Variants in SVOP observed in about 807,000 individuals in gnomAD.
SVOP encodes SV2 related protein.
SVOP carries 17 observed loss-of-function variants against 69.1 expected under a neutral mutation model. That is an observed-to-expected ratio of 0.25 (90% CI 0.17 to 0.37). The LOEUF is 0.37. Ranked by LOEUF, SVOP falls within the 10% of genes least tolerant of loss-of-function variation. The pLI is 1.00. For synonymous variants in SVOP, 238 were observed against 238.6 expected (o/e 1.00, Z 0.02); for missense variants, 435 against 597.5 (o/e 0.73, Z 2.84).
intron 11 of SVOP, among the ~76,000 whole-genome samples, chr12:108,928,653 G>A (rs1055005673): frequency 2.7e-5 from 4 of 150,076 alleles, no homozygotes; most frequent in Admixed American, 2.0e-4. Flanking sequence ...AGCAAGCTCC[G>A]CTTCTCAGGC....
At chr12:108,931,608 T>C (rs1593181118) in intron 11 of SVOP, among the ~76,000 whole-genome samples, 1 of 151,840 alleles carries the variant, frequency 6.6e-6, no homozygotes, top group East Asian at 1.9e-4. Context: ...CCGAGGTGGG[T>C]GGATCACGAG....
intron 6 of SVOP, among the ~76,000 whole-genome samples, chr12:108,954,328 G>A (rs1464973133): frequency 4.6e-5 from 7 of 152,050 alleles, no homozygotes; most frequent in Non-Finnish European, 8.8e-5. Context: ...GGTAATACAC[G>A]TAAAGCACAA....
chr12:108,982,833 TCACCATCATCATCATCACTATCATCAC>T (rs2040146979), intron 2 of SVOP, among the ~76,000 whole-genome samples: 4 of 62,004 alleles, frequency 6.5e-5, no homozygotes, highest in South Asian at 8.5e-4. Context: ...ATCATCACTG[TCACCATCATCATCATCACTATCATCAC>T]CACCATCATC....
chr12:108,972,063 C>T lies in SVOP; in HGVS notation c.453+342G>A, dbSNP rs368661093. 6.0e-5 allele frequency among the ~76,000 whole-genome samples: 9 copies of T among 150,484 alleles called. No individual in the cohort carries two copies. In the East Asian group the frequency reaches 1.2e-3, roughly 20 times the overall value. On this transcript the variant is annotated intron_variant, in intron 5 of 15. Coordinates refer to ENST00000610966, the MANE Select transcript of SVOP (RefSeq NM_018711.5). ...TCAAACAAAAAGAAAAACAAAAAACCCAAAATTTGAGAAATGGCTCTCTTT... is the reference window on the plus strand; with the variant it reads ...TCAAACAAAAAGAAAAACAAAAAACTCAAAATTTGAGAAATGGCTCTCTTT...
intron 8 of SVOP, among the ~76,000 whole-genome samples, chr12:108,939,680 G>C (rs1454897230): frequency 2.6e-5 from 4 of 152,194 alleles, no homozygotes; most frequent in Admixed American, 2.0e-4. Context: ...ATATAGCAGA[G>C]AGTGCAAATG....
chr12:108,963,653 A>AT (rs1421331361), intron 5 of SVOP, among the ~76,000 whole-genome samples: 1 of 152,002 alleles, frequency 6.6e-6, no homozygotes, highest in African/African-American at 2.4e-5. Flanking sequence ...TGGCCAGCTA[A>AT]TTTTTGTACT....
At chr12:108,997,232 C>G (rs1052289827) in intron 1 of SVOP, among the ~76,000 whole-genome samples, 1 of 152,208 alleles carries the variant, frequency 6.6e-6, no homozygotes, top group African/African-American at 2.4e-5. Context: ...CACTCCCACC[C>G]GAATATTGCG....
chr12:108,966,332 C>A (rs1237686775), intron 5 of SVOP, among the ~76,000 whole-genome samples: 1 of 152,212 alleles, frequency 6.6e-6, no homozygotes, highest in Non-Finnish European at 1.5e-5. Flanking sequence ...GTCTTCAAGA[C>A]CACACACCTA....
chr12:109,006,050 T>G (rs2040305484), intron 1 of SVOP, among the ~76,000 whole-genome samples: 1 of 152,076 alleles, frequency 6.6e-6, no homozygotes. Context: ...TGGGTTGTTT[T>G]GTTTTGTTTT....
intron 12 of SVOP, among the ~76,000 whole-genome samples, chr12:108,921,090 G>A (rs902695331): frequency 5.3e-5 from 8 of 152,118 alleles, no homozygotes; most frequent in African/African-American, 1.2e-4. Flanking sequence ...AAATAAAGAA[G>A]AATCTGGGTT....
intron 2 of SVOP, among the ~76,000 whole-genome samples, chr12:108,982,609 C>T (rs1032679806): frequency 2.0e-5 from 3 of 151,772 alleles, no homozygotes; most frequent in Non-Finnish European, 2.9e-5. Flanking sequence ...CCACTGCCAT[C>T]CTTATCACCA....
At chr12:108,924,322 A>G (rs752562641) in intron 11 of SVOP, among the ~76,000 whole-genome samples, 5 of 152,164 alleles carry the variant, frequency 3.3e-5, no homozygotes, top group Non-Finnish European at 5.9e-5. Flanking sequence ...AAATTGATTC[A>G]CACACCCTAT....
chr12:109,011,068 C>T (rs758911400), intron 1 of SVOP, among the ~76,000 whole-genome samples: 3 of 152,084 alleles, frequency 2.0e-5, no homozygotes, highest in Non-Finnish European at 4.4e-5. Flanking sequence ...GCACATGCCA[C>T]CATACCTGGC....
chr12:108,965,500 CA>C (rs1400066517), intron 5 of SVOP, among the ~76,000 whole-genome samples: 1 of 152,166 alleles, frequency 6.6e-6, no homozygotes, highest in East Asian at 1.9e-4. Flanking sequence ...CAAAAGATAC[CA>C]TGACAAAATG....
intron 5 of SVOP, among the ~76,000 whole-genome samples, chr12:108,965,918 C>A (rs1466945536): frequency 1.3e-5 from 2 of 150,644 alleles, no homozygotes; most frequent in Non-Finnish European, 3.0e-5. Context: ...ACACTTTTTC[C>A]CTCTCTCCCT....
At chr12:108,952,002 C>G (rs2039957562) in intron 6 of SVOP, among the ~76,000 whole-genome samples, 1 of 152,170 alleles carries the variant, frequency 6.6e-6, no homozygotes, top group Non-Finnish European at 1.5e-5. Flanking sequence ...GTGGCTTCTT[C>G]TTGCTGCCTT....
intron 2 of SVOP, 119 bp downstream of exon 2, chr12:108,983,482 C>A: frequency 2.5e-6 from 1 of 398,182 alleles, no homozygotes; most frequent in African/African-American, 2.1e-5. Flanking sequence ...TCCAGCTCCA[C>A]CCCTTGGCCC....
In SVOP at chr12:109,020,754, A is replaced by ACCCC. The variant is rs67827847; in HGVS notation, c.35+76_35+79dup. 4.1e-3 allele frequency: 978 copies of ACCCC among 239,420 alleles called. 2 individuals carry two copies. Among genetic ancestry groups the ACCCC allele is most frequent in the East Asian group, 7.8e-3 (48 of 6,116 alleles). 14.8% of individuals were successfully genotyped at this position (239,420 alleles called of 1,614,324 possible). A position where few individuals can be genotyped will look rare whatever the true frequency, so the allele number is the denominator to read the frequency against. Reference sequence around the variant, plus strand: ...AATTCAAGAAACCATGCAGAGATGTACCCCCCCCCACCCCCCTTGCAGGTT... The same window carrying ACCCC: ...AATTCAAGAAACCATGCAGAGATGTACCCCCCCCCCCCCACCCCCCTTGCAGGTT... On this transcript the variant is annotated intron_variant, in intron 1 of 15. Coordinates refer to ENST00000610966, the MANE Select transcript of SVOP (RefSeq NM_018711.5).
chr12:108,956,370 C>T (rs533874406), intron 6 of SVOP, among the ~76,000 whole-genome samples: 1 of 152,034 alleles, frequency 6.6e-6, no homozygotes, highest in African/African-American at 2.4e-5. Context: ...AATCATGATG[C>T]TCAGCAGGCA....
Sources: allele counts gnomAD v4.1 joint callset (sites outside exome capture counted in the v4.1 genomes callset), GRCh38; gene constraint gnomAD v4.1.1; transcripts MANE v1.5; gene names NCBI Gene and HGNC (gene_info 2026-07-23, HGNC 2026-07-21).